Variants in PLGRKT observed in about 807,000 individuals in gnomAD.
PLGRKT encodes plasminogen receptor with a C-terminal lysine.
In PLGRKT, 22 loss-of-function variants were observed where a neutral mutation model predicts 18.5. That is an observed-to-expected ratio of 1.19 (90% CI 0.85 to 1.70). PLGRKT has a LOEUF of 1.70. Ranked by LOEUF, PLGRKT falls within the 40% of genes most tolerant of loss-of-function variation. The probability of loss-of-function intolerance (pLI) is 0.00; values close to 1 mark genes in which losing one functional copy is unlikely to be tolerated. For synonymous variants in PLGRKT, 72 were observed against 52.8 expected (o/e 1.36, Z -1.58); for missense variants, 235 against 174.4 (o/e 1.35, Z -1.96).
At chr9:5,434,046 G>A (rs1238419997) in intron 2 of PLGRKT, among the ~76,000 whole-genome samples, 8 of 149,684 alleles carry the variant, frequency 5.3e-5, no homozygotes, top group Non-Finnish European at 1.5e-5. Flanking sequence ...TGGGAAGTGA[G>A]GAGCGCCTCT....
At chr9:5,361,634 G>T in intron 4 of PLGRKT, 124 bp downstream of exon 4, 1 of 836,894 alleles carries the variant, frequency 1.2e-6, no homozygotes, top group Non-Finnish European at 1.9e-6. Context: ...AAGGTTAATA[G>T]GTTACTTTGG....
At chr9:5,379,697 T>C (rs934246827) in intron 3 of PLGRKT, among the ~76,000 whole-genome samples, 4 of 152,172 alleles carry the variant, frequency 2.6e-5, no homozygotes, top group Admixed American at 6.5e-5. Context: ...ACTTCATTTG[T>C]AGTAGAAAAA....
At chr9:5,408,642 A>C (rs998810463) in intron 3 of PLGRKT, among the ~76,000 whole-genome samples, 2 of 152,254 alleles carry the variant, frequency 1.3e-5, no homozygotes, top group Admixed American at 1.3e-4. Flanking sequence ...GAAGAATTCA[A>C]GCAGGCTGCA....
chr9:5,432,812 G>A (rs1281114148), intron 2 of PLGRKT, among the ~76,000 whole-genome samples: 1 of 152,176 alleles, frequency 6.6e-6, no homozygotes, highest in Non-Finnish European at 1.5e-5. Flanking sequence ...ATGTTGCCCA[G>A]GCTGGAGTGC....
At chr9:5,415,949 A>T (rs1818450427) in intron 3 of PLGRKT, among the ~76,000 whole-genome samples, 1 of 101,540 alleles carries the variant, frequency 9.8e-6, no homozygotes, top group South Asian at 3.4e-4. Context: ...CTGGTGAAAT[A>T]TCAAAAAAAA....
intron 3 of PLGRKT, among the ~76,000 whole-genome samples, chr9:5,417,569 GA>G (rs1256254557): frequency 0.022 from 2,452 of 111,178 alleles, 56 homozygotes; most frequent in African/African-American, 0.072. Context: ...ACTGTCAAGA[GA>G]AAAAAAAAAA....
At chr9:5,365,871 C>T (rs937939651) in intron 3 of PLGRKT, among the ~76,000 whole-genome samples, 7 of 152,074 alleles carry the variant, frequency 4.6e-5, no homozygotes, top group Non-Finnish European at 7.4e-5. Context: ...TATTCTGAGT[C>T]GGTTCCCTTA....
At position 5,374,880 on chromosome 9, in the gene PLGRKT, GA is replaced by G. The variant is rs1359367256; in HGVS notation, c.82-12993del. ...GAAAATACCATTAATTCCTCAAACT[GA>G]AAAAAAGTCATTATTTTTACATGCT... On this transcript the variant is annotated intron_variant, in intron 3 of 5. Coordinates refer to ENST00000223864, the MANE Select transcript of PLGRKT (RefSeq NM_018465.4). Among the ~76,000 whole-genome samples, 3 of 151,870 alleles carry G rather than the reference GA, an allele frequency of 2.0e-5. No individual in the cohort carries two copies. In the East Asian group the frequency reaches 5.8e-4, roughly 29 times the overall value.
At chr9:5,409,326 T>A (rs1028121016) in intron 3 of PLGRKT, among the ~76,000 whole-genome samples, 4 of 152,164 alleles carry the variant, frequency 2.6e-5, no homozygotes, top group Non-Finnish European at 5.9e-5. Context: ...TGCCAGTGAA[T>A]ATAAAGCAGG....
At chr9:5,422,043 CA>C (rs1269623809) in intron 3 of PLGRKT, among the ~76,000 whole-genome samples, 1 of 152,136 alleles carries the variant, frequency 6.6e-6, no homozygotes, top group Non-Finnish European at 1.5e-5. Flanking sequence ...GTTTCCTGTA[CA>C]AACTATATTC....
intron 5 of PLGRKT, among the ~76,000 whole-genome samples, chr9:5,358,961 T>C (rs750154489): frequency 2.0e-5 from 3 of 152,204 alleles, no homozygotes; most frequent in Non-Finnish European, 2.9e-5. Context: ...ACTTAGCACA[T>C]TGTAAAAAAT....
chr9:5,426,738 G>A (rs2131169917), intron 3 of PLGRKT, among the ~76,000 whole-genome samples: 1 of 152,304 alleles, frequency 6.6e-6, no homozygotes, highest in East Asian at 1.9e-4. Flanking sequence ...ATTTCCCAGA[G>A]TTGTGTTTGC....
chr9:5,362,305 T>C (rs944752805), intron 3 of PLGRKT, among the ~76,000 whole-genome samples: 2 of 152,214 alleles, frequency 1.3e-5, no homozygotes, highest in African/African-American at 2.4e-5. Context: ...GAAATTTATT[T>C]GGAGTATTTA....
intron 3 of PLGRKT, among the ~76,000 whole-genome samples, chr9:5,399,872 T>C (rs1018167919): frequency 6.6e-6 from 1 of 151,430 alleles, no homozygotes; most frequent in Non-Finnish European, 1.5e-5. Context: ...ACGCCTGTCA[T>C]CCCAGCTACT....
intron 3 of PLGRKT, among the ~76,000 whole-genome samples, chr9:5,363,489 G>A (rs1015908773): frequency 6.6e-6 from 1 of 152,114 alleles, no homozygotes; most frequent in Admixed American, 6.5e-5. Context: ...TCCAGCTGAT[G>A]TGAGAACCTT....
intron 3 of PLGRKT, among the ~76,000 whole-genome samples, chr9:5,426,824 A>G (rs1446027153): frequency 1.3e-5 from 2 of 152,146 alleles, no homozygotes; most frequent in African/African-American, 4.8e-5. Flanking sequence ...CATGATGAAA[A>G]TGATAGAGTC....
Position 5,429,830 on chromosome 9 carries a change from G to A in PLGRKT, c.81+2067C>T, listed in dbSNP as rs183413509. Among the ~76,000 whole-genome samples, 4 of 152,306 alleles carry A rather than the reference G, an allele frequency of 2.6e-5. No individual in the cohort carries two copies. In the East Asian group the frequency reaches 5.8e-4, roughly 22 times the overall value. ...CCCCTTTCAAAAAGGGGACGCAATCGTTGGTCTGCTGCTGAGCTCTTGTTA... is the reference window on the plus strand; with the variant it reads ...CCCCTTTCAAAAAGGGGACGCAATCATTGGTCTGCTGCTGAGCTCTTGTTA... On this transcript the variant is annotated intron_variant, in intron 3 of 5. Coordinates refer to ENST00000223864, the MANE Select transcript of PLGRKT (RefSeq NM_018465.4).
chr9:5,358,491 T>G, intron 5 of PLGRKT, 131 bp from the exon 6 acceptor site: 1 of 655,622 alleles, frequency 1.5e-6, no homozygotes, highest in Non-Finnish European at 2.5e-6. Flanking sequence ...CACTTAAACA[T>G]TTTCCTCAGG....
At chr9:5,389,486 G>A in intron 3 of PLGRKT, among the ~76,000 whole-genome samples, 1 of 151,902 alleles carries the variant, frequency 6.6e-6, no homozygotes, top group East Asian at 1.9e-4. Context: ...AAAATGCCAT[G>A]TGCTTTGAGG....
Sources: gnomAD v4.1 joint callset for allele counts (sites outside exome capture counted in the v4.1 genomes callset) on GRCh38, gnomAD v4.1.1 for gene constraint, MANE v1.5 for transcripts, NCBI Gene and HGNC (gene_info 2026-07-23, HGNC 2026-07-21) for gene names.